NR3C2: variants seen among roughly 807,000 people sequenced by gnomAD.
NR3C2 encodes mineralocorticoid receptor.
A neutral mutation model predicts 86.4 loss-of-function variants in NR3C2; 15 were observed. The ratio of observed to expected loss-of-function variants is 0.17; its 90% CI spans 0.12 to 0.27. NR3C2 has a LOEUF of 0.27. NR3C2 is among the 10% of genes least tolerant of loss of function. The probability of loss-of-function intolerance (pLI) is 1.00; values close to 1 mark genes in which losing one functional copy is unlikely to be tolerated. For missense variants in NR3C2, 960 were observed against 1,195.6 expected (o/e 0.80, Z 2.91); for synonymous variants, 458 against 450.5 (o/e 1.02, Z -0.21).
At chr4:148,428,293 G>A (rs141211346) in intron 2 of NR3C2, among the ~76,000 whole-genome samples, 3 of 152,244 alleles carry the variant, frequency 2.0e-5, no homozygotes, top group African/African-American at 7.2e-5. Flanking sequence ...TCCTGCCAAA[G>A]GTACATCTGT....
chr4:148,134,596 A>C (rs1733190330), intron 6 of NR3C2, among the ~76,000 whole-genome samples: 1 of 146,952 alleles, frequency 6.8e-6, no homozygotes, highest in African/African-American at 2.5e-5. Context: ...TGTTAAGGAC[A>C]ACACCTTAAA....
At chr4:148,407,869 A>T (rs1359880192) in intron 2 of NR3C2, among the ~76,000 whole-genome samples, 1 of 152,190 alleles carries the variant, frequency 6.6e-6, no homozygotes, top group Non-Finnish European at 1.5e-5. Context: ...TTTGAACACT[A>T]ATATTATTTT....
In NR3C2 at chr4:148,159,869, TTTA is replaced by T. The variant is rs554610305; in HGVS notation, c.2015-4971_2015-4969del. ...ACATACATTTGGGAGCTTACCACTA[TTTA>T]GCACCTTACTAAATCAATATTGAGT... On this transcript the variant is annotated intron_variant, in intron 4 of 8. Coordinates refer to ENST00000358102, the MANE Select transcript of NR3C2 (RefSeq NM_000901.5). Among the ~76,000 whole-genome samples the T allele has an allele frequency of 1.2e-4, 18 of 152,326 alleles. No homozygotes were observed. The South Asian group carries it at 3.3e-3, about 28-fold the overall frequency.
chr4:148,257,215 C>T (rs28498606), intron 3 of NR3C2, among the ~76,000 whole-genome samples: 1,548 of 152,230 alleles, frequency 0.01, 50 homozygotes, highest in East Asian at 0.076. Flanking sequence ...CATTGGAAAA[C>T]AAACTTAGTA....
rs1482944777 is a variant in NR3C2, at chr4:148,358,528, G to A, written c.1757+76576C>T. On this transcript the variant is annotated intron_variant, in intron 2 of 8. Transcript: ENST00000358102. ...GGAGATATACCTAATGCTAGATGAC[G>A]AGTTAGTGGATGCAGCGCACCAGCA... is the stretch of plus-strand genomic sequence containing the variant. Among the ~76,000 whole-genome samples the A allele has an allele frequency of 4.0e-5, 6 of 151,028 alleles. No homozygotes were observed. The East Asian group carries it at 5.9e-4, about 15-fold the overall frequency.
At chr4:148,358,230 A>G (rs1745648875) in intron 2 of NR3C2, among the ~76,000 whole-genome samples, 1 of 152,218 alleles carries the variant, frequency 6.6e-6, no homozygotes, top group Non-Finnish European at 1.5e-5. Context: ...CCAAATGTCC[A>G]ACAATGATCG....
At chr4:148,418,066 T>A (rs1175196835) in intron 2 of NR3C2, among the ~76,000 whole-genome samples, 1 of 152,170 alleles carries the variant, frequency 6.6e-6, no homozygotes, top group East Asian at 1.9e-4. Flanking sequence ...GTGAATGACA[T>A]ACTGTTAAAA....
At chr4:148,322,968 T>G (rs563329054) in intron 2 of NR3C2, among the ~76,000 whole-genome samples, 3,054 of 149,982 alleles carry the variant, frequency 0.02, 103 homozygotes, top group African/African-American at 0.071. Context: ...CTGTTTAGAG[T>G]TTCCAGTTTT....
chr4:148,139,076 T>A (rs951832283), intron 6 of NR3C2, among the ~76,000 whole-genome samples: 6 of 152,230 alleles, frequency 3.9e-5, no homozygotes, highest in African/African-American at 1.4e-4. Context: ...TTCTTTAAAT[T>A]ACCCAGAATC....
At chr4:148,333,259 G>T (rs899687702) in intron 2 of NR3C2, among the ~76,000 whole-genome samples, 5 of 151,986 alleles carry the variant, frequency 3.3e-5, no homozygotes, top group African/African-American at 1.2e-4. Flanking sequence ...CTGGGCCACA[G>T]AAAAAATAAA....
chr4:148,271,986 T>C (rs1426437692), intron 2 of NR3C2, among the ~76,000 whole-genome samples: 2 of 152,192 alleles, frequency 1.3e-5, no homozygotes, highest in African/African-American at 2.4e-5. Context: ...AGATTATATA[T>C]TATGAGCAAT....
chr4:148,159,880 A>G (rs1469807899), intron 4 of NR3C2, among the ~76,000 whole-genome samples: 2 of 152,234 alleles, frequency 1.3e-5, no homozygotes, highest in Non-Finnish European at 2.9e-5. Flanking sequence ...TTAGCACCTT[A>G]CTAAATCAAT....
At chr4:148,424,603 TAAACAG>T (rs1749439842) in intron 2 of NR3C2, among the ~76,000 whole-genome samples, 1 of 151,054 alleles carries the variant, frequency 6.6e-6, no homozygotes, top group Non-Finnish European at 1.5e-5. Flanking sequence ...TACTCAGCAA[TAAACAG>T]AAACTACTGA....
intron 2 of NR3C2, among the ~76,000 whole-genome samples, chr4:148,388,818 G>C (rs1747397484): frequency 6.6e-6 from 1 of 152,114 alleles, no homozygotes; most frequent in Admixed American, 6.5e-5. Context: ...AGAAGACCCA[G>C]AGGAGAAGGT....
At chr4:148,393,195 T>A (rs1512341) in intron 2 of NR3C2, among the ~76,000 whole-genome samples, 61,310 of 152,100 alleles carry the variant, frequency 0.4, 14,304 homozygotes, top group East Asian at 0.75. Flanking sequence ...GGAAATGAAA[T>A]AAATGTGAAC....
At chr4:148,323,803 C>G (rs1050120026) in intron 2 of NR3C2, among the ~76,000 whole-genome samples, 3 of 152,268 alleles carry the variant, frequency 2.0e-5, no homozygotes, top group East Asian at 3.9e-4. Flanking sequence ...GCGATGAACC[C>G]GGTACCTCAG....
chr4:148,145,429 T>C (rs1274173053), intron 6 of NR3C2, among the ~76,000 whole-genome samples: 1 of 152,198 alleles, frequency 6.6e-6, no homozygotes, highest in African/African-American at 2.4e-5. Flanking sequence ...ACTGCACACT[T>C]GATCTCCCAA....
intron 8 of NR3C2, among the ~76,000 whole-genome samples, chr4:148,104,601 C>T (rs1560923704): frequency 6.6e-6 from 1 of 152,156 alleles, no homozygotes; most frequent in Non-Finnish European, 1.5e-5. Context: ...ATTCATGGTA[C>T]TACCAGCTCT....
chr4:148,419,455 A>T (rs969863151), intron 2 of NR3C2, among the ~76,000 whole-genome samples: 10 of 152,218 alleles, frequency 6.6e-5, no homozygotes, highest in African/African-American at 2.4e-4. Flanking sequence ...TTCAGAAAAG[A>T]TTATTTGCAT....
Sources: gnomAD v4.1 joint callset for allele counts (sites outside exome capture counted in the v4.1 genomes callset) on GRCh38, gnomAD v4.1.1 for gene constraint, MANE v1.5 for transcripts, NCBI Gene and HGNC (gene_info 2026-07-23, HGNC 2026-07-21) for gene names.